The following CCPG1 variants were observed in gnomAD, a reference collection of about 807,000 sequenced individuals.
CCPG1 encodes the protein cell cycle progression 1, also known as cell cycle progression protein 1.
In CCPG1, 46 loss-of-function variants were observed where a neutral mutation model predicts 81.3. The observed-to-expected ratio is 0.57, with a 90% CI of 0.45 to 0.72. The LOEUF is 0.72. Among genes scored for constraint, CCPG1 ranks in the 30% least tolerant of loss-of-function variants. The pLI, the probability that CCPG1 is intolerant of heterozygous loss-of-function variation, is 0.00. For synonymous variants in CCPG1, 330 were observed against 305.2 expected (o/e 1.08, Z -0.85); for missense variants, 902 against 937.6 (o/e 0.96, Z 0.50).
chr15:55,395,879 G>C (rs756016139), intron 1 of CCPG1, among the ~76,000 whole-genome samples: 3 of 152,058 alleles, frequency 2.0e-5, no homozygotes, highest in East Asian at 3.9e-4. Context: ...AATTAGGCTG[G>C]GTGCGGTGGC....
chr15:55,377,019 T>G lies in CCPG1; in HGVS notation c.384A>C (p.Ala128=). The G allele has an allele frequency of 1.2e-6, 2 of 1,613,966 alleles. No individual in the cohort carries two copies. ...GNQEVVIVEE[A]QSSEDFNMGS... ...CCATGTTAAAGTCTTCTGAACTCTG[T>G]GCTTCTTCAACAATGACAACTTCTT... The change falls in exon 5 of 9, where the codon GCA becomes GCC. Residue 128 remains alanine, a synonymous_variant. Coordinates refer to ENST00000442196, the MANE Select transcript of CCPG1 (RefSeq NM_001204450.2).
chr15:55,372,866 T>A lies in CCPG1; in HGVS notation c.455-822A>T, dbSNP rs531068650. ...TTCCTTGGGTGTATCTGGTCTCTAG[T>A]TTCATTTCCAACCTAATTAGCCCAT... On this transcript the variant is annotated intron_variant, in intron 5 of 8. Coordinates refer to ENST00000442196, the MANE Select transcript of CCPG1 (RefSeq NM_001204450.2). The A allele has an allele frequency of 8.0e-6, 4 of 497,412 alleles. No homozygotes were observed. The Admixed American group carries it at 9.0e-5, about 11-fold the overall frequency. The allele number at this position is 497,412 out of a possible 1,614,324, so 30.8% of individuals were successfully genotyped here.
chr15:55,391,892 G>GC (rs1240775309), intron 1 of CCPG1, among the ~76,000 whole-genome samples: 1 of 114,994 alleles, frequency 8.7e-6, no homozygotes, highest in Non-Finnish European at 2.0e-5. Context: ...AAAAAAGGGG[G>GC]GGGGGGGCTA....
At position 55,355,309 on chromosome 15, in the gene CCPG1, A is replaced by G; in HGVS notation, c.*911T>C. The G allele has an allele frequency of 6.2e-7, 1 of 1,609,490 alleles. No homozygotes were observed. The highest frequency in any genetic ancestry group is 1.3e-5 in the African/African-American group (1 of 74,898). ...AGGAAATAAGCGCTTTCCTAATTTC[A>G]AGCAATTATAAAAGAACTGCTGTTT... is the stretch of plus-strand genomic sequence containing the variant. On this transcript the variant is annotated 3_prime_UTR_variant, in exon 9 of 9. Coordinates refer to ENST00000442196, the MANE Select transcript of CCPG1 (RefSeq NM_001204450.2).
At chr15:55,404,876 C>T (rs2057187969) in intron 1 of CCPG1, among the ~76,000 whole-genome samples, 1 of 152,156 alleles carries the variant, frequency 6.6e-6, no homozygotes, top group Non-Finnish European at 1.5e-5. Flanking sequence ...TCGAGACCAT[C>T]CTGGCCATTA....
intron 2 of CCPG1, among the ~76,000 whole-genome samples, chr15:55,388,516 T>A (rs773814345): frequency 1.3e-5 from 2 of 152,222 alleles, no homozygotes; most frequent in South Asian, 2.1e-4. Flanking sequence ...AGCTGCATAA[T>A]CTTGACCAAA....
At chr15:55,383,504 A>G (rs2056741865) in intron 3 of CCPG1, among the ~76,000 whole-genome samples, 1 of 152,242 alleles carries the variant, frequency 6.6e-6, no homozygotes, top group Non-Finnish European at 1.5e-5. Flanking sequence ...GAAGCCTAGA[A>G]GCAGATATTG....
intron 7 of CCPG1, among the ~76,000 whole-genome samples, chr15:55,364,698 C>G (rs1285005980): frequency 6.6e-6 from 1 of 150,458 alleles, no homozygotes; most frequent in African/African-American, 2.4e-5. Flanking sequence ...TAGTGAAACC[C>G]CGTCTCTACT....
At position 55,384,217 on chromosome 15, in the gene CCPG1, TAG is replaced by T. The variant is rs1289749883; in HGVS notation, c.175+1381_175+1382del. Among the ~76,000 whole-genome samples, 12 of 152,276 alleles carry T rather than the reference TAG, an allele frequency of 7.9e-5. No individual in the cohort carries two copies. The East Asian group carries it at 1.2e-3, about 15-fold the overall frequency. On this transcript the variant is annotated intron_variant, in intron 3 of 8. Transcript: ENST00000442196. ...GAGAGATGGGGGAATGGCAAGTCAG[TAG>T]AGCAGTCAGAACACACACATTTATT...
At chr15:55,376,740 G>A (rs1329756673) in intron 5 of CCPG1, among the ~76,000 whole-genome samples, 3 of 152,202 alleles carry the variant, frequency 2.0e-5, no homozygotes, top group African/African-American at 7.2e-5. Flanking sequence ...GGCAAAAGAT[G>A]GTTACTGTTA....
chr15:55,380,871 C>G (rs1002040426), intron 3 of CCPG1, among the ~76,000 whole-genome samples: 2 of 151,910 alleles, frequency 1.3e-5, no homozygotes, highest in African/African-American at 4.8e-5. Flanking sequence ...GGCGCGGCGG[C>G]TCACGCCTGT....
At chr15:55,377,596 C>T (rs1036781810) in intron 4 of CCPG1, among the ~76,000 whole-genome samples, 1 of 152,170 alleles carries the variant, frequency 6.6e-6, no homozygotes, top group East Asian at 1.9e-4. Context: ...CAAATTTCTA[C>T]GCTGGAATGT....
intron 5 of CCPG1, among the ~76,000 whole-genome samples, chr15:55,374,842 T>C (rs1057104989): frequency 6.6e-6 from 1 of 152,090 alleles, no homozygotes; most frequent in Non-Finnish European, 1.5e-5. Context: ...ATTTTGTATT[T>C]TCAGTAGAGA....
In CCPG1 at chr15:55,361,143, C is replaced by G. The variant is rs535296988; in HGVS notation, c.829-199G>C. On this transcript the variant is annotated intron_variant, in intron 7 of 8. Coordinates refer to ENST00000442196, the MANE Select transcript of CCPG1 (RefSeq NM_001204450.2). ...GAAAACGCAGAGCAGAGAGCTACAT[C>G]AAATTGAGAACTACAGCATGGTGTA... Among the ~76,000 whole-genome samples, 4 of 151,802 alleles carry G rather than the reference C, an allele frequency of 2.6e-5. 1 individual carries two copies. The highest frequency in any genetic ancestry group is 9.7e-5 in the African/African-American group (4 of 41,424).
At chr15:55,398,497 C>T (rs1037484381) in intron 1 of CCPG1, among the ~76,000 whole-genome samples, 9 of 152,140 alleles carry the variant, frequency 5.9e-5, no homozygotes, top group African/African-American at 1.9e-4. Flanking sequence ...AGGTCTGGGT[C>T]TTTCACCTCC....
At chr15:55,379,963 G>T (rs1280106659) in intron 3 of CCPG1, among the ~76,000 whole-genome samples, 1 of 151,698 alleles carries the variant, frequency 6.6e-6, no homozygotes, top group African/African-American at 2.4e-5. Context: ...AGCCAGGTGT[G>T]GTGGTGCGCG....
At chr15:55,370,714 A>C (rs1053811696) in intron 6 of CCPG1, among the ~76,000 whole-genome samples, 47 of 150,424 alleles carry the variant, frequency 3.1e-4, no homozygotes, top group African/African-American at 1.1e-3. Flanking sequence ...GTCTCTACTA[A>C]AAATACAAAA....
intron 6 of CCPG1, among the ~76,000 whole-genome samples, chr15:55,369,102 ACT>A (rs1420604919): frequency 1.4e-5 from 2 of 147,886 alleles, no homozygotes; most frequent in African/African-American, 5.3e-5. Flanking sequence ...ACAGAGCAAG[ACT>A]CTGTCTCAAA....
chr15:55,357,137 T>C, intron 8 of CCPG1: 4 of 976,516 alleles, frequency 4.1e-6, no homozygotes, highest in Non-Finnish European at 4.9e-6. Flanking sequence ...CAACTAACCC[T>C]CTCCACTTGA....
Sources: gnomAD v4.1 joint callset for allele counts (sites outside exome capture counted in the v4.1 genomes callset) on GRCh38, gnomAD v4.1.1 for gene constraint, MANE v1.5 for transcripts, NCBI Gene and HGNC (gene_info 2026-07-23, HGNC 2026-07-21) for gene names.